Variants in BRMS1L observed in about 807,000 individuals in gnomAD.
The protein encoded by BRMS1L is breast cancer metastasis-suppressor 1-like protein.
In BRMS1L, 23 loss-of-function variants were observed where a neutral mutation model predicts 50.3. The observed-to-expected ratio is 0.46, with a 90% CI of 0.33 to 0.65. The LOEUF (loss-of-function observed/expected upper bound fraction) is 0.65. Among genes scored for constraint, BRMS1L ranks in the 30% least tolerant of loss-of-function variants. The probability of loss-of-function intolerance (pLI) is 0.02; values close to 1 mark genes in which losing one functional copy is unlikely to be tolerated. For synonymous variants in BRMS1L, 114 were observed against 126.9 expected (o/e 0.90, Z 0.69); for missense variants, 286 against 386.1 (o/e 0.74, Z 2.17).
chr14:35,858,153 C>T (rs1011788179), intron 4 of BRMS1L, among the ~76,000 whole-genome samples: 2 of 152,084 alleles, frequency 1.3e-5, no homozygotes, highest in African/African-American at 4.8e-5. Context: ...TCTAGAATGA[C>T]CTAGAAAACC....
intron 4 of BRMS1L, among the ~76,000 whole-genome samples, chr14:35,843,190 A>T (rs2078088934): frequency 6.6e-6 from 1 of 152,154 alleles, no homozygotes; most frequent in African/African-American, 2.4e-5. Flanking sequence ...CAATTCGTCA[A>T]GCTCATTCTC....
rs762268409 is a variant in BRMS1L, at chr14:35,834,865, T to G, written c.383T>G (p.Leu128Ter). Reference sequence around the variant, plus strand: ...GCAGGAATCTATAGAGAGCTCTGCTTAGAATCTGTAAAGAACAAATATGAA... The same window carrying G: ...GCAGGAATCTATAGAGAGCTCTGCTGAGAATCTGTAAAGAACAAATATGAA... ...KVAGIYRELC[L>*]ESVKNKYECE... Residue 128 changes from leucine (L) to a stop codon, truncating the protein, a stop_gained, in exon 4 of 10, where the codon TTA (leucine) becomes TGA (stop). Transcript: ENST00000216807. LOFTEE classifies it high-confidence loss of function. The G allele has an allele frequency of 6.3e-7, 1 of 1,588,054 alleles. No individual in the cohort carries two copies. The highest frequency in any genetic ancestry group is 1.3e-5 in the African/African-American group (1 of 74,400).
At chr14:35,843,611 G>A (rs1449136730) in intron 4 of BRMS1L, among the ~76,000 whole-genome samples, 1 of 152,230 alleles carries the variant, frequency 6.6e-6, no homozygotes, top group Non-Finnish European at 1.5e-5. Flanking sequence ...TGTATGAGGT[G>A]TCTGTCCACC....
chr14:35,859,683 T>G (rs1349877519), intron 4 of BRMS1L, among the ~76,000 whole-genome samples: 1 of 152,212 alleles, frequency 6.6e-6, no homozygotes, highest in African/African-American at 2.4e-5. Flanking sequence ...AGAGTCTCGC[T>G]CTATTGCCCA....
intron 4 of BRMS1L, among the ~76,000 whole-genome samples, chr14:35,848,566 CT>C (rs2078167116): frequency 6.6e-6 from 1 of 152,100 alleles, no homozygotes; most frequent in African/African-American, 2.4e-5. Context: ...CTTATTCCCC[CT>C]GTCTAACTGA....
At chr14:35,866,941 T>C (rs114464771) in intron 8 of BRMS1L, among the ~76,000 whole-genome samples, 689 of 152,302 alleles carry the variant, frequency 4.5e-3, no homozygotes, top group African/African-American at 0.015. Flanking sequence ...GTTTTACTCA[T>C]AGCACTTCAC....
chr14:35,867,124 C>T (rs1013558753), intron 8 of BRMS1L, among the ~76,000 whole-genome samples: 3 of 152,026 alleles, frequency 2.0e-5, no homozygotes, highest in South Asian at 2.1e-4. Flanking sequence ...TGAATATACC[C>T]GATGGTATTT....
rs767580731 is a variant in BRMS1L, at chr14:35,865,725, A to G, written c.691A>G (p.Met231Val). 26 of 1,583,544 alleles carry G rather than the reference A, an allele frequency of 1.6e-5. No individual in the cohort carries two copies. The highest frequency in any genetic ancestry group is 1.7e-4 in the Middle Eastern group (1 of 5,980). The change falls in exon 8 of 10, where the codon ATG becomes GTG. Residue 231 changes from methionine (M) to valine (V), a missense_variant. By Grantham distance (21) the Met-to-Val change is conservative (BLOSUM62 1). This residue lies in a region of BRMS1L where 160 missense variants were observed against 240.6 expected (regional missense o/e 0.66). Transcript: ENST00000216807. ...TTTTTTTTTTTTTTTAATTAAGGCA[A>G]TGGCTACATTGGGGCCACACAGAGT... ...LEDWTTIRKAMATLGPHRVKT... is the reference protein window; with the variant it reads ...LEDWTTIRKAVATLGPHRVKT...
chr14:35,840,765 T>G (rs889641317), intron 4 of BRMS1L, among the ~76,000 whole-genome samples: 1 of 152,184 alleles, frequency 6.6e-6, no homozygotes, highest in Non-Finnish European at 1.5e-5. Context: ...TTTTCTTCTT[T>G]ATTAGTCTGG....
intron 5 of BRMS1L, among the ~76,000 whole-genome samples, chr14:35,862,898 C>G (rs148276451): frequency 6.6e-6 from 1 of 152,112 alleles, no homozygotes; most frequent in Admixed American, 6.5e-5. Context: ...ATGGAGCACA[C>G]GACAAGGGAC....
At chr14:35,863,734 A>G (rs1025918352) in intron 5 of BRMS1L, 136 bp from the exon 6 acceptor site, 2 of 682,348 alleles carry the variant, frequency 2.9e-6, no homozygotes, top group Non-Finnish European at 5.0e-6. Flanking sequence ...GTACAGCTTA[A>G]TCTATATATA....
intron 4 of BRMS1L, among the ~76,000 whole-genome samples, chr14:35,847,514 TGA>T (rs2142049259): frequency 6.6e-6 from 1 of 152,314 alleles, no homozygotes; most frequent in South Asian, 2.1e-4. Flanking sequence ...TTGCCCAGGC[TGA>T]GTTTCCTTCT....
At chr14:35,834,580 C>T (rs1435591311) in intron 3 of BRMS1L, among the ~76,000 whole-genome samples, 1 of 152,084 alleles carries the variant, frequency 6.6e-6, no homozygotes, top group Non-Finnish European at 1.5e-5. Context: ...CTGTATCAAA[C>T]ATTTAGGAGT....
Position 35,826,387 on chromosome 14 carries a change from G to C in BRMS1L, c.-130G>C. The C allele has an allele frequency of 7.2e-7, 1 of 1,381,752 alleles. No individual in the cohort carries two copies. Among genetic ancestry groups the C allele is most frequent in the Non-Finnish European group, 9.9e-7 (1 of 1,014,938 alleles). The allele number at this position is 1,381,752 out of a possible 1,614,324, so 85.6% of individuals were successfully genotyped here. A position where few individuals can be genotyped will look rare whatever the true frequency, so the allele number is the denominator to read the frequency against. ...GGTTAGGTTGTGAGGCCCGGGCCGG[G>C]GGCGGGGAGGAGCCAAGGGGGCGAG... On this transcript the variant is annotated 5_prime_UTR_variant, in exon 1 of 10. Transcript: ENST00000216807.
chr14:35,847,899 C>T (rs572065838), intron 4 of BRMS1L, among the ~76,000 whole-genome samples: 1 of 152,188 alleles, frequency 6.6e-6, no homozygotes, highest in Non-Finnish European at 1.5e-5. Context: ...TATTCTAAGG[C>T]TGAATAATAT....
At chr14:35,865,656 A>T in intron 7 of BRMS1L, 66 bp from the exon 8 acceptor site, 13 of 1,234,194 alleles carry the variant, frequency 1.1e-5, no homozygotes, top group Non-Finnish European at 1.5e-5. Flanking sequence ...TTAAATAGAT[A>T]CCAAAATATA....
chr14:35,847,198 C>T (rs985424816), intron 4 of BRMS1L, among the ~76,000 whole-genome samples: 2 of 152,092 alleles, frequency 1.3e-5, no homozygotes, highest in Admixed American at 1.3e-4. Flanking sequence ...TGGCTGGTCT[C>T]GAACTCCTGG....
intron 7 of BRMS1L, 87 bp downstream of exon 7, chr14:35,865,086 A>G (rs1379698067): frequency 1.0e-6 from 1 of 959,440 alleles, no homozygotes; most frequent in African/African-American, 1.7e-5. Flanking sequence ...ACATCAAAAT[A>G]TTATTGTAAA....
chr14:35,869,428 C>T (rs1181802438), intron 9 of BRMS1L, among the ~76,000 whole-genome samples: 1 of 151,922 alleles, frequency 6.6e-6, no homozygotes, highest in African/African-American at 2.4e-5. Context: ...GTCCCAACTA[C>T]TCAGGTTGAG....
Sources: allele counts gnomAD v4.1 joint callset (sites outside exome capture counted in the v4.1 genomes callset), GRCh38; gene constraint gnomAD v4.1.1; regional missense constraint gnomAD v4.1.1; transcripts MANE v1.5; gene names NCBI Gene and HGNC (gene_info 2026-07-23, HGNC 2026-07-21).